Variants in STK3 observed in about 807,000 individuals in gnomAD.
STK3 encodes serine/threonine-protein kinase 3.
A neutral mutation model predicts 58.0 loss-of-function variants in STK3; 41 were observed. That is an observed-to-expected ratio of 0.71 (90% CI 0.55 to 0.92). The LOEUF is 0.92. Ranked by LOEUF, STK3 falls within the 40% of genes least tolerant of loss-of-function variation. The pLI is 0.00. For missense variants in STK3, 479 were observed against 602.7 expected (o/e 0.79, Z 2.15); for synonymous variants, 170 against 191.0 (o/e 0.89, Z 0.91).
At chr8:98,614,072 T>C (rs1817439443) in intron 6 of STK3, among the ~76,000 whole-genome samples, 1 of 151,656 alleles carries the variant, frequency 6.6e-6, no homozygotes, top group African/African-American at 2.4e-5. Flanking sequence ...AAAGGAGAAA[T>C]AGATAAATTC....
At chr8:98,829,653 C>G (rs1343952135), upstream of STK3, among the ~76,000 whole-genome samples, 1 of 152,216 alleles carries the variant, frequency 6.6e-6, no homozygotes. Flanking sequence ...AACAGAATGT[C>G]TGTGTTCTAA....
chr8:98,872,157 G>A (rs531968437), intron 3 of STK3, among the ~76,000 whole-genome samples: 128 of 152,224 alleles, frequency 8.4e-4, no homozygotes, highest in African/African-American at 2.8e-3. Context: ...ATTGATTTGC[G>A]TATGTTTAAC....
chr8:98,647,307 T>C (rs1820476957), intron 6 of STK3, among the ~76,000 whole-genome samples: 1 of 152,186 alleles, frequency 6.6e-6, no homozygotes, highest in Non-Finnish European at 1.5e-5. Context: ...ACTCCCTGTA[T>C]CCTTCTTAGT....
chr8:98,646,715 C>T (rs554886112), intron 6 of STK3, among the ~76,000 whole-genome samples: 2 of 152,264 alleles, frequency 1.3e-5, no homozygotes, highest in Admixed American at 6.5e-5. Flanking sequence ...GTAATTCTCT[C>T]CAGCTAACTT....
chr8:98,741,847 G>A (rs1829239464), intron 4 of STK3, among the ~76,000 whole-genome samples: 1 of 151,998 alleles, frequency 6.6e-6, no homozygotes, highest in Admixed American at 6.6e-5. Flanking sequence ...CAAGACTAAT[G>A]AAGAAAAGAG....
downstream of STK3, among the ~76,000 whole-genome samples, chr8:98,451,684 GT>G (rs1313028639): frequency 6.6e-6 from 1 of 152,094 alleles, no homozygotes; most frequent in African/African-American, 2.4e-5. Context: ...CCAAAAGGAA[GT>G]AGAAGGTAGT....
At chr8:98,792,808 C>T (rs1208976319) in intron 1 of STK3, among the ~76,000 whole-genome samples, 4 of 152,148 alleles carry the variant, frequency 2.6e-5, no homozygotes, top group South Asian at 2.1e-4. Flanking sequence ...GACACTTGCA[C>T]GCAAGTTTAT....
At position 98,402,571 on chromosome 8, in the gene STK3, G is replaced by A. The variant is rs559689557; in HGVS notation, n.484-1058C>T. On this transcript the variant is annotated intron_variant and non_coding_transcript_variant, in intron 3 of 3. Transcript: ENST00000517832. ...TCTCCTCTGCCTCCGTGTCCCCTCC[G>A]GGACGGAGGGGGCCCTGCTGTCCTG... Among the ~76,000 whole-genome samples the A allele has an allele frequency of 1.1e-4, 17 of 152,270 alleles. No homozygotes were observed. In the Middle Eastern group the frequency reaches 0.01, roughly 91 times the overall value.
chr8:98,740,007 G>A (rs1244206884), intron 4 of STK3, among the ~76,000 whole-genome samples: 3 of 152,098 alleles, frequency 2.0e-5, no homozygotes, highest in East Asian at 3.9e-4. Context: ...GATGGAAGAC[G>A]AAATAAATGA....
chr8:98,585,292 C>T (rs148945629), intron 7 of STK3, among the ~76,000 whole-genome samples: 1 of 152,188 alleles, frequency 6.6e-6, no homozygotes, highest in African/African-American at 2.4e-5. Context: ...AGGAAGGGAT[C>T]CAGTTTCAGC....
intron 1 of STK3, among the ~76,000 whole-genome samples, chr8:98,823,002 C>T (rs1310127588): frequency 6.6e-6 from 1 of 152,124 alleles, no homozygotes; most frequent in African/African-American, 2.4e-5. Flanking sequence ...CATCTCAAAA[C>T]AAAACAAAAT....
At chr8:98,786,373 C>T (rs1038469765) in intron 1 of STK3, among the ~76,000 whole-genome samples, 1 of 152,010 alleles carries the variant, frequency 6.6e-6, no homozygotes, top group Admixed American at 6.5e-5. Flanking sequence ...ATAAAGAGAC[C>T]GTGTCTTTCC....
rs76015411 is a variant in STK3 at position 98,865,197 on chromosome 8, A to G, written c.110+18450T>C. Among the ~76,000 whole-genome samples the G allele has an allele frequency of 7.1e-4, 108 of 152,292 alleles. No individual in the cohort carries two copies. The East Asian group carries it at 0.019, about 27-fold the overall frequency. Reference sequence around the variant, plus strand: ...CTTGAGACCAGGAGTTCAGGACCAGACAGGGCAACATAGTAAGACCTGTCT... The same window carrying G: ...CTTGAGACCAGGAGTTCAGGACCAGGCAGGGCAACATAGTAAGACCTGTCT... On this transcript the variant is annotated intron_variant, in intron 3 of 12. Coordinates refer to the STK3 transcript ENST00000523601.
At chr8:98,893,426 GAAAGAAAGAAA>G (rs1564086947) in intron 1 of STK3, among the ~76,000 whole-genome samples, 3 of 48,926 alleles carry the variant, frequency 6.1e-5, no homozygotes, top group African/African-American at 2.3e-4. Context: ...AGGAAGGAAA[GAAAGAAAGAAA>G]GAAAGAAAGA....
At chr8:98,360,294 T>C in the STK3 span, among the ~76,000 whole-genome samples, 1 of 152,176 alleles carries the variant, frequency 6.6e-6, no homozygotes, top group African/African-American at 2.4e-5. Flanking sequence ...TGCTTATCTC[T>C]CTTGCACCAT....
At chr8:98,711,564 TGAGAA>T (rs1826444447) in intron 4 of STK3, among the ~76,000 whole-genome samples, 2 of 151,796 alleles carry the variant, frequency 1.3e-5, no homozygotes, top group African/African-American at 2.4e-5. Flanking sequence ...TGAAATGAAG[TGAGAA>T]GAGAAGTTTA....
At chr8:98,714,698 C>T (rs1826846829) in intron 4 of STK3, among the ~76,000 whole-genome samples, 1 of 152,108 alleles carries the variant, frequency 6.6e-6, no homozygotes, top group Non-Finnish European at 1.5e-5. Flanking sequence ...GTGAAAATGG[C>T]CATACTGTCC....
chr8:98,522,922 AT>A (rs1297717640), intron 10 of STK3, among the ~76,000 whole-genome samples: 1 of 152,094 alleles, frequency 6.6e-6, no homozygotes, highest in Admixed American at 6.6e-5. Context: ...GTATTACAAC[AT>A]TTTTTTAATC....
At chr8:98,937,846 C>T (rs984194062) in intron 1 of STK3, among the ~76,000 whole-genome samples, 1 of 152,322 alleles carries the variant, frequency 6.6e-6, no homozygotes, top group South Asian at 2.1e-4. Flanking sequence ...CAAATATTGG[C>T]CTTGGCATTT....
Sources: gnomAD v4.1 joint callset for allele counts (sites outside exome capture counted in the v4.1 genomes callset) on GRCh38, gnomAD v4.1.1 for gene constraint, MANE v1.5 for transcripts, NCBI Gene and HGNC (gene_info 2026-07-23, HGNC 2026-07-21) for gene names.